SYNJ1: variants seen among roughly 807,000 people sequenced by gnomAD.
The protein encoded by SYNJ1 is synaptojanin 1.
In SYNJ1, 78 loss-of-function variants were observed where a neutral mutation model predicts 168.2. That is an observed-to-expected ratio of 0.46 (90% CI 0.39 to 0.56). SYNJ1 has a LOEUF of 0.56. Among genes scored for constraint, SYNJ1 ranks in the 20% least tolerant of loss-of-function variants. The pLI, the probability that SYNJ1 is intolerant of heterozygous loss-of-function variation, is 0.00. For missense variants in SYNJ1, 1,303 were observed against 1,597.6 expected (o/e 0.82, Z 3.14); for synonymous variants, 539 against 548.6 (o/e 0.98, Z 0.24).
chr21:32,646,153 G>A (rs1236034705), intron 24 of SYNJ1, among the ~76,000 whole-genome samples: 1 of 152,168 alleles, frequency 6.6e-6, no homozygotes, highest in Non-Finnish European at 1.5e-5. Flanking sequence ...AAAATCATCA[G>A]TTATAAGACA....
chr21:32,639,175 T>C (rs1245935510), intron 30 of SYNJ1, 50 bp from the exon 31 acceptor site: 5 of 1,511,324 alleles, frequency 3.3e-6, no homozygotes, highest in Non-Finnish European at 4.5e-6. Flanking sequence ...GAAAACCATG[T>C]TTTTTTCCTT....
chr21:32,696,645 C>T (rs796828848), intron 4 of SYNJ1, among the ~76,000 whole-genome samples: 8 of 152,158 alleles, frequency 5.3e-5, no homozygotes, highest in African/African-American at 1.2e-4. Context: ...GTGCTCCGTA[C>T]TCTCTCTCTC....
intron 6 of SYNJ1, among the ~76,000 whole-genome samples, chr21:32,690,714 G>C (rs138182901): frequency 1.3e-5 from 2 of 152,050 alleles, no homozygotes; most frequent in Admixed American, 6.5e-5. Context: ...CCTGAGGTCA[G>C]GAGTTTGAGA....
rs554643556 is a variant in SYNJ1, at chr21:32,717,396, T to C, written c.124+9376A>G. 3.3e-5 allele frequency among the ~76,000 whole-genome samples: 5 copies of C among 152,364 alleles called. No homozygotes were observed. In the South Asian group the frequency reaches 1.0e-3, roughly 32 times the overall value. On this transcript the variant is annotated intron_variant, in intron 2 of 32. Transcript: ENST00000674351. ...TGTTTCTACATTTGACTTTGCTCCT[T>C]ATGAGGTATATTTTCCTATATTCCT...
chr21:32,670,726 G>T, intron 14 of SYNJ1: 1 of 861,904 alleles, frequency 1.2e-6, no homozygotes, highest in Non-Finnish European at 1.4e-6. Context: ...ATTCAGAAAA[G>T]GCACAAAGAA....
chr21:32,714,977 C>A (rs2042969375), intron 2 of SYNJ1, among the ~76,000 whole-genome samples: 1 of 152,170 alleles, frequency 6.6e-6, no homozygotes, highest in Non-Finnish European at 1.5e-5. Context: ...ACCCAGCTCT[C>A]ATCAATCCTA....
chr21:32,649,272 G>A (rs935343822), intron 23 of SYNJ1, among the ~76,000 whole-genome samples: 17 of 152,260 alleles, frequency 1.1e-4, no homozygotes, highest in African/African-American at 3.6e-4. Flanking sequence ...AAATATGTGT[G>A]GACTGAGTAA....
rs57470866 is a variant in SYNJ1, at chr21:32,685,425, CAA to C, written c.1118+321_1118+322del. The stretch of plus-strand genomic sequence containing the variant: ...AATACAGGGAGACCCCCGTCTCTAC[CAA>C]AAAAAAAAAAAAAAAAAAAAAATAA... On this transcript the variant is annotated intron_variant, in intron 9 of 32. Transcript: ENST00000674351. 1.4e-3 allele frequency among the ~76,000 whole-genome samples: 97 copies of C among 67,242 alleles called. 1 individual carries two copies. Among genetic ancestry groups the C allele is most frequent in the African/African-American group, 5.8e-3 (92 of 15,908 alleles). The allele number at this position is 67,242 out of a possible 152,430, so 44.1% of individuals were successfully genotyped here. A position where few individuals can be genotyped will look rare whatever the true frequency, so the allele number is the denominator to read the frequency against.
Position 32,639,727 on chromosome 21 carries a change from G to A in SYNJ1, c.3641C>T (p.Ala1214Val). The A allele has an allele frequency of 1.2e-6, 2 of 1,614,138 alleles. No homozygotes were observed. Among genetic ancestry groups the A allele is most frequent in the Non-Finnish European group, 1.7e-6 (2 of 1,180,026 alleles). Reference sequence around the variant, plus strand: ...TTCAGGAGTCAGTCTTCCAGCAGATGCCCGCGCGTGGCTCTGTGGGGCACT... The same window carrying A: ...TTCAGGAGTCAGTCTTCCAGCAGATACCCGCGCGTGGCTCTGTGGGGCACT... ...VISAPQSHAR[A>V]SAGRLTPESQ... The change falls in exon 30 of 33, where the codon GCA becomes GTA. Residue 1214 changes from alanine (A) to valine (V), a missense_variant. Ala to Val is a moderately conservative substitution (Grantham distance 64). This residue lies in a region of SYNJ1 where 383 missense variants were observed against 388.8 expected (regional missense o/e 0.99). Transcript: ENST00000674351.
intron 13 of SYNJ1, among the ~76,000 whole-genome samples, chr21:32,673,844 A>G (rs1359460795): frequency 1.3e-5 from 2 of 152,214 alleles, no homozygotes; most frequent in Non-Finnish European, 2.9e-5. Flanking sequence ...TTTCAATGAA[A>G]TGGTACATTA....
chr21:32,643,301 C>T, intron 27 of SYNJ1, 109 bp downstream of exon 27: 1 of 1,141,090 alleles, frequency 8.8e-7, no homozygotes, highest in Admixed American at 2.2e-5. Flanking sequence ...TACAGCTGGA[C>T]CAAGAAAAGA....
At chr21:32,679,151 T>C (rs975109766) in intron 11 of SYNJ1, among the ~76,000 whole-genome samples, 1 of 152,302 alleles carries the variant, frequency 6.6e-6, no homozygotes, top group Non-Finnish European at 1.5e-5. Context: ...ACAAGGTAAT[T>C]TGTAAACTTG....
chr21:32,657,171 A>ATCGTG (rs761478971), intron 19 of SYNJ1, 51 bp from the exon 20 acceptor site: 2 of 1,266,664 alleles, frequency 1.6e-6, no homozygotes, highest in South Asian at 2.5e-5. Context: ...AGCAGGACAG[A>ATCGTG]TCGTGTAGAG....
chr21:32,725,922 T>C (rs1249876691), intron 2 of SYNJ1, among the ~76,000 whole-genome samples: 1 of 152,166 alleles, frequency 6.6e-6, no homozygotes, highest in African/African-American at 2.4e-5. Flanking sequence ...CTCACTGCAG[T>C]CTCGACCTTC....
Position 32,629,474 on chromosome 21 carries a change from C to CT in SYNJ1, c.*2330dup, listed in dbSNP as rs1224832497. Reference sequence around the variant, plus strand: ...TAACATTTGAGCATTTAGAAAAATGCTTTTTTTCTAATAGATTTGCTTTAT... The same window carrying CT: ...TAACATTTGAGCATTTAGAAAAATGCTTTTTTTTCTAATAGATTTGCTTTAT... On this transcript the variant is annotated 3_prime_UTR_variant, in exon 33 of 33. Coordinates refer to ENST00000674351, the MANE Select transcript of SYNJ1 (RefSeq NM_203446.3). 4.6e-5 allele frequency: 7 copies of CT among 152,644 alleles called. No individual in the cohort carries two copies. In the East Asian group the frequency reaches 1.2e-3, roughly 25 times the overall value. 9.5% of individuals were successfully genotyped at this position (152,644 alleles called of 1,614,324 possible). A position where few individuals can be genotyped will look rare whatever the true frequency, so the allele number is the denominator to read the frequency against.
intron 4 of SYNJ1, among the ~76,000 whole-genome samples, chr21:32,698,477 G>A (rs1365565411): frequency 6.6e-6 from 1 of 152,168 alleles, no homozygotes; most frequent in East Asian, 1.9e-4. Context: ...ACTGTTAAGG[G>A]AGGCCAAGAG....
intron 23 of SYNJ1, among the ~76,000 whole-genome samples, chr21:32,646,844 G>C (rs2040093127): frequency 6.6e-6 from 1 of 152,110 alleles, no homozygotes; most frequent in African/African-American, 2.4e-5. Context: ...CAACCACTTG[G>C]AGCTGGGGTG....
At chr21:32,722,363 A>G (rs1259199764) in intron 2 of SYNJ1, among the ~76,000 whole-genome samples, 1 of 151,982 alleles carries the variant, frequency 6.6e-6, no homozygotes, top group Non-Finnish European at 1.5e-5. Context: ...CAGCCTGGCC[A>G]ACATGGTGAA....
At chr21:32,675,378 C>G (rs910187466) in intron 13 of SYNJ1, among the ~76,000 whole-genome samples, 1 of 151,876 alleles carries the variant, frequency 6.6e-6, no homozygotes, top group Non-Finnish European at 1.5e-5. Flanking sequence ...CTTAAAGAAA[C>G]AGAGAGTCAA....
Sources: gnomAD v4.1 joint callset for allele counts (sites outside exome capture counted in the v4.1 genomes callset) on GRCh38, gnomAD v4.1.1 for gene constraint, gnomAD v4.1.1 regional missense constraint, MANE v1.5 for transcripts, NCBI Gene and HGNC (gene_info 2026-07-23, HGNC 2026-07-21) for gene names.